The following PPP4R1 variants were observed in gnomAD, a reference collection of about 807,000 sequenced individuals.
PPP4R1 encodes the protein protein phosphatase 4 regulatory subunit 1, also known as serine/threonine-protein phosphatase 4 regulatory subunit 1.
In PPP4R1, 42 loss-of-function variants were observed where a neutral mutation model predicts 111.2. That is an observed-to-expected ratio of 0.38 (90% CI 0.29 to 0.49). PPP4R1 has a LOEUF of 0.49. Ranked by LOEUF, PPP4R1 falls within the 20% of genes least tolerant of loss-of-function variation. The pLI is 0.97. For synonymous variants in PPP4R1, 409 were observed against 405.5 expected (o/e 1.01, Z -0.10); for missense variants, 1,012 against 1,161.6 (o/e 0.87, Z 1.87).
chr18:9,593,670 T>C, intron 4 of PPP4R1, 98 bp downstream of exon 4: 1 of 1,039,444 alleles, frequency 9.6e-7, no homozygotes, highest in Non-Finnish European at 1.4e-6. Flanking sequence ...TTTAAAGCTA[T>C]CTCATATCAC....
Position 9,602,349 on chromosome 18 carries a change from G to C in PPP4R1, c.53-7196C>G, listed in dbSNP as rs1273520444. ...GATTGAGACCATCCTGGTTAACATG[G>C]TGAAACCCCATCTCTACTAAAAAAA... is the stretch of plus-strand genomic sequence containing the variant. On this transcript the variant is annotated intron_variant, in intron 2 of 19. Coordinates refer to ENST00000400556, the MANE Select transcript of PPP4R1 (RefSeq NM_001042388.3). Among the ~76,000 whole-genome samples the C allele has an allele frequency of 3.1e-4, 42 of 135,196 alleles. No homozygotes were observed. In the Admixed American group the frequency reaches 3.3e-3, roughly 11 times the overall value. 88.7% of individuals were successfully genotyped at this position (135,196 alleles called of 152,430 possible). A position where few individuals can be genotyped will look rare whatever the true frequency, so the allele number is the denominator to read the frequency against.
intron 11 of PPP4R1, among the ~76,000 whole-genome samples, chr18:9,567,379 G>A (rs557244068): frequency 6.6e-6 from 1 of 152,232 alleles, no homozygotes; most frequent in South Asian, 2.1e-4. Flanking sequence ...TTAGAGATGG[G>A]GTCTTGTTAT....
chr18:9,579,301 C>T (rs183801183), intron 9 of PPP4R1, among the ~76,000 whole-genome samples: 207 of 152,246 alleles, frequency 1.4e-3, no homozygotes, highest in African/African-American at 4.8e-3. Flanking sequence ...CAACTAATGA[C>T]TTTAAACAAA....
At chr18:9,568,285 A>G (rs2066802938) in intron 11 of PPP4R1, among the ~76,000 whole-genome samples, 1 of 152,162 alleles carries the variant, frequency 6.6e-6, no homozygotes, top group South Asian at 2.1e-4. Context: ...TCAGCCTCCC[A>G]GGTAGCTGAG....
intron 2 of PPP4R1, among the ~76,000 whole-genome samples, chr18:9,601,302 C>T (rs939821767): frequency 6.6e-6 from 1 of 150,792 alleles, no homozygotes; most frequent in Non-Finnish European, 1.5e-5. Context: ...GCAGGTAGAT[C>T]ACTTAGAGGT....
At chr18:9,597,865 A>G (rs1023292493) in intron 2 of PPP4R1, among the ~76,000 whole-genome samples, 1 of 152,228 alleles carries the variant, frequency 6.6e-6, no homozygotes, top group Non-Finnish European at 1.5e-5. Flanking sequence ...AAATTCTACA[A>G]CAGAAACAGA....
At chr18:9,556,954 A>T (rs1270369165) in intron 15 of PPP4R1, 2 of 267,282 alleles carry the variant, frequency 7.5e-6, no homozygotes, top group Non-Finnish European at 1.4e-5. Context: ...GACTGCAGCT[A>T]ATGATTTTTT....
chr18:9,549,440 G>A, intron 18 of PPP4R1, 102 bp from the exon 19 acceptor site: 1 of 1,426,376 alleles, frequency 7.0e-7, no homozygotes, highest in Non-Finnish European at 9.5e-7. Context: ...ACAAATTTTA[G>A]TTATTGCTTT....
At chr18:9,606,155 AAT>A (rs1247739486) in intron 2 of PPP4R1, among the ~76,000 whole-genome samples, 1 of 152,202 alleles carries the variant, frequency 6.6e-6, no homozygotes, top group Non-Finnish European at 1.5e-5. Context: ...AGATTCATTC[AAT>A]ACTTATTCTA....
At position 9,588,771 on chromosome 18, in the gene PPP4R1, A is replaced by G. The variant is rs369363875; in HGVS notation, c.378T>C (p.Tyr126=). The G allele has an allele frequency of 2.5e-4, 403 of 1,613,888 alleles. No homozygotes were observed. Among genetic ancestry groups the G allele is most frequent in the Non-Finnish European group, 3.2e-4 (381 of 1,179,872 alleles). The change falls in exon 5 of 20, where the codon TAT becomes TAC. Residue 126 remains tyrosine (Y), a synonymous_variant. Transcript: ENST00000400556. ...FCQENRPSIP[Y]AFSKFLLPIV... ...TAGGTAGTAAGAATTTTGAAAAAGC[A>G]TATGGTATTGAAGGCCGGTTTTCTT...
chr18:9,616,668 A>G (rs998402205), upstream of PPP4R1, among the ~76,000 whole-genome samples: 23 of 131,926 alleles, frequency 1.7e-4, no homozygotes, highest in African/African-American at 6.5e-4. Flanking sequence ...GCACTAAGAC[A>G]AAACTGTCTT....
At chr18:9,597,150 A>G (rs1490399685) in intron 2 of PPP4R1, among the ~76,000 whole-genome samples, 1 of 152,100 alleles carries the variant, frequency 6.6e-6, no homozygotes, top group Non-Finnish European at 1.5e-5. Context: ...CCATCTCTTA[A>G]AAAAAAGATA....
chr18:9,550,245 G>C (rs756888448), intron 17 of PPP4R1, 33 bp downstream of exon 17: 1 of 1,613,870 alleles, frequency 6.2e-7, no homozygotes, highest in Admixed American at 1.7e-5. Flanking sequence ...CTTAGAGTTT[G>C]CTGATCTAAA....
At chr18:9,554,759 G>A (rs954867644) in intron 15 of PPP4R1, among the ~76,000 whole-genome samples, 4 of 152,162 alleles carry the variant, frequency 2.6e-5, no homozygotes, top group Admixed American at 1.3e-4. Context: ...GGCTGGGACA[G>A]GGAAAGGGAA....
At position 9,614,243 on chromosome 18, in the gene PPP4R1, T is replaced by A; in HGVS notation, c.35A>T (p.Gln12Leu). 8 of 1,352,054 alleles carry A rather than the reference T, an allele frequency of 5.9e-6. No homozygotes were observed. Among genetic ancestry groups the A allele is most frequent in the Non-Finnish European group, 7.7e-6 (8 of 1,038,788 alleles). The allele number at this position is 1,352,054 out of a possible 1,614,324, so 83.8% of individuals were successfully genotyped here. ...CCACTCACATCCGTCTGCGTCCTCC[T>A]GCAGGTCCTCCTGAAGCAGCGAGAG... ...ADLSLLQEDLQEDADGFGVDD... is the reference protein window; with the variant it reads ...ADLSLLQEDLLEDADGFGVDD... The change falls in exon 2 of 20, where the codon CAG becomes CTG. Residue 12 changes from glutamine (Q) to leucine (L), a missense_variant. Gln to Leu is a moderately radical substitution (Grantham distance 113, BLOSUM62 -2). Coordinates refer to ENST00000400556, the MANE Select transcript of PPP4R1 (RefSeq NM_001042388.3). This position sits in a 1 kb window ranked among gnomAD's most constrained non-coding sequence, Gnocchi z 4.1.
At chr18:9,576,886 TAACA>T (rs1298471146) in intron 10 of PPP4R1, among the ~76,000 whole-genome samples, 174 bp downstream of exon 10, 38 of 142,172 alleles carry the variant, frequency 2.7e-4, no homozygotes, top group South Asian at 1.2e-3. Flanking sequence ...AAGAGATACT[TAACA>T]AACAAATGCG....
upstream of PPP4R1, chr18:9,615,313 A>G (rs1298304042): frequency 6.6e-6 from 1 of 152,198 alleles, no homozygotes; most frequent in African/African-American, 2.4e-5. Flanking sequence ...CCGGGGTCAG[A>G]TCCTGATTCA....
At chr18:9,576,976 T>C in intron 10 of PPP4R1, 88 bp downstream of exon 10, 1 of 1,215,264 alleles carries the variant, frequency 8.2e-7, no homozygotes, top group East Asian at 2.5e-5. Context: ...AAAAATAACA[T>C]TTGTTGCAGA....
Position 9,577,103 on chromosome 18 carries a change from C to T in PPP4R1, c.1007G>A (p.Ser336Asn). 6.3e-7 allele frequency: 1 copy of T among 1,596,804 alleles called. No homozygotes were observed. The highest frequency in any genetic ancestry group is 8.5e-7 in the Non-Finnish European group (1 of 1,170,062). Residue 336 changes from serine to asparagine, a missense_variant, in exon 10 of 20, where the codon AGC becomes AAC. Ser to Asn is a conservative substitution (Grantham distance 46). This residue lies in a region of PPP4R1 where 707 missense variants were observed against 742.1 expected (regional missense o/e 0.95). Coordinates refer to ENST00000400556, the MANE Select transcript of PPP4R1 (RefSeq NM_001042388.3). ...SSSGQYFKEE[S>N]KSSEEMSVEN... ...TACTGACATCTCTTCTGAACTTTTG[C>T]TTTCTTCTTTAAAATACTGGCCTGA...
Sources: gnomAD v4.1 joint callset for allele counts (sites outside exome capture counted in the v4.1 genomes callset) on GRCh38, gnomAD v4.1.1 for gene constraint, gnomAD v4.1.1 regional missense constraint, Gnocchi (gnomAD v3.1) non-coding constraint, MANE v1.5 for transcripts, NCBI Gene and HGNC (gene_info 2026-07-23, HGNC 2026-07-21) for gene names.